Variants in RYR3 observed in about 807,000 individuals in gnomAD.
The protein encoded by RYR3 is ryanodine receptor 3, also known as brain ryanodine receptor-calcium release channel.
Under a neutral mutation model 584.3 loss-of-function variants are expected in RYR3, and 207 were observed. That is an observed-to-expected ratio of 0.35 (90% CI 0.32 to 0.40). The LOEUF is 0.40. Among genes scored for constraint, RYR3 ranks in the 10% least tolerant of loss-of-function variants. The pLI, the probability that RYR3 is intolerant of heterozygous loss-of-function variation, is 1.00. For missense variants in RYR3, 5,616 were observed against 6,089.2 expected (o/e 0.92, Z 2.59); for synonymous variants, 2,416 against 2,248.5 (o/e 1.07, Z -2.11).
chr15:33,648,329 C>A (rs929624028), intron 30 of RYR3, among the ~76,000 whole-genome samples: 2 of 152,098 alleles, frequency 1.3e-5, no homozygotes, highest in African/African-American at 2.4e-5. Context: ...TTCTTCCAGT[C>A]AAGAAAATTT....
intron 1 of RYR3, among the ~76,000 whole-genome samples, chr15:33,353,653 G>T (rs1029420270): frequency 1.3e-5 from 2 of 152,130 alleles, no homozygotes; most frequent in Non-Finnish European, 2.9e-5. Context: ...TTAAAATCAG[G>T]GGTTGAATCC....
chr15:33,404,099 C>G (rs1263245899), intron 1 of RYR3, among the ~76,000 whole-genome samples: 1 of 152,122 alleles, frequency 6.6e-6, no homozygotes, highest in Non-Finnish European at 1.5e-5. Flanking sequence ...TGAATTTGGT[C>G]GTAAAATAAC....
rs181986387 is a variant in RYR3 at position 33,572,756 on chromosome 15, C to G, written c.1268+5957C>G. On this transcript the variant is annotated intron_variant, in intron 12 of 103. Coordinates refer to ENST00000634891, the MANE Select transcript of RYR3 (RefSeq NM_001036.6). ...TTGGGAGGCCAAGGTGGGCGAATCA[C>G]CTGAGGTCGGGGGTTCGAGACCAGC... 5.3e-5 allele frequency among the ~76,000 whole-genome samples: 8 copies of G among 151,764 alleles called. No homozygotes were observed. In the East Asian group the frequency reaches 1.6e-3, roughly 29 times the overall value.
In RYR3 at chr15:33,825,729, T is replaced by C. The variant is rs1450871668; in HGVS notation, c.11146+53T>C. On this transcript the variant is annotated intron_variant, in intron 82 of 103. Transcript: ENST00000634891. ...TTCTCTTCCTGATTAAAATCTTTTT[T>C]TTTTTTTTTTTTTTTTTCCCCATAC... 6 of 720,182 alleles carry C rather than the reference T, an allele frequency of 8.3e-6. No individual in the cohort carries two copies. The East Asian group carries it at 1.3e-4, about 16-fold the overall frequency. The allele number at this position is 720,182 out of a possible 1,614,324, so 44.6% of individuals were successfully genotyped here. A position where few individuals can be genotyped will look rare whatever the true frequency, so the allele number is the denominator to read the frequency against.
At chr15:33,691,111 A>G (rs2065394564) in intron 38 of RYR3, among the ~76,000 whole-genome samples, 1 of 152,136 alleles carries the variant, frequency 6.6e-6, no homozygotes, top group East Asian at 1.9e-4. Flanking sequence ...CTATATCTGA[A>G]CAAGTAGTAG....
At chr15:33,345,556 C>A (rs987818238) in intron 1 of RYR3, among the ~76,000 whole-genome samples, 1 of 152,042 alleles carries the variant, frequency 6.6e-6, no homozygotes, top group Non-Finnish European at 1.5e-5. Flanking sequence ...ACAGGAGTAA[C>A]AGTGTTCATT....
chr15:33,711,920 C>G (rs1415920084), intron 43 of RYR3, among the ~76,000 whole-genome samples: 3 of 152,184 alleles, frequency 2.0e-5, no homozygotes, highest in Non-Finnish European at 4.4e-5. Context: ...ATCTTTGGTA[C>G]AAATGTTCAG....
chr15:33,777,318 T>C (rs754659358), intron 64 of RYR3, among the ~76,000 whole-genome samples: 1 of 152,220 alleles, frequency 6.6e-6, no homozygotes, highest in African/African-American at 2.4e-5. Context: ...TGGGGAGCAC[T>C]AATGACCAGT....
At chr15:33,814,718 G>A (rs2076717170) in intron 74 of RYR3, among the ~76,000 whole-genome samples, 1 of 152,028 alleles carries the variant, frequency 6.6e-6, no homozygotes, top group Admixed American at 6.6e-5. Flanking sequence ...GGCCAACATG[G>A]TGAAACCATC....
chr15:33,460,064 G>A (rs1466946983), intron 1 of RYR3, among the ~76,000 whole-genome samples: 2 of 152,136 alleles, frequency 1.3e-5, no homozygotes, highest in Non-Finnish European at 2.9e-5. Flanking sequence ...TTTTACTGCA[G>A]TACAGGTGCA....
intron 3 of RYR3, among the ~76,000 whole-genome samples, chr15:33,529,170 A>C (rs892547692): frequency 1.3e-5 from 2 of 152,264 alleles, no homozygotes; most frequent in Non-Finnish European, 2.9e-5. Context: ...AATATTGTGA[A>C]GAGCATTGTA....
At chr15:33,453,734 A>G (rs963150937) in intron 1 of RYR3, among the ~76,000 whole-genome samples, 2 of 152,230 alleles carry the variant, frequency 1.3e-5, no homozygotes, top group Admixed American at 1.3e-4. Context: ...GGAAAGAAAA[A>G]TAAGGATGTT....
Position 33,450,105 on chromosome 15 carries a change from A to AAAAAAAAAAAAAAAAAC in RYR3, c.52-23308_52-23307insAAAAAAAAAACAAAAAA, listed in dbSNP as rs2046999538. ...TAATACCTAAAAAAAAAAAAAAAAAAAAAAAAGCCGGCAACTGTGAGCATT... is the reference window on the plus strand; with the variant it reads ...TAATACCTAAAAAAAAAAAAAAAAAAAAAAAAAAAAAAAAAACAAAAAAGCCGGCAACTGTGAGCATT... On this transcript the variant is annotated intron_variant, in intron 1 of 103. Transcript: ENST00000634891. 1.4e-5 allele frequency among the ~76,000 whole-genome samples: 2 copies of AAAAAAAAAAAAAAAAAC among 141,934 alleles called. 1 individual carries two copies. The highest frequency in any genetic ancestry group is 5.4e-5 in the African/African-American group (2 of 36,890). 93.1% of individuals were successfully genotyped at this position (141,934 alleles called of 152,430 possible). A position where few individuals can be genotyped will look rare whatever the true frequency, so the allele number is the denominator to read the frequency against.
intron 1 of RYR3, among the ~76,000 whole-genome samples, chr15:33,472,113 C>T (rs1178244068): frequency 6.6e-6 from 1 of 152,204 alleles, no homozygotes; most frequent in Admixed American, 6.5e-5. Flanking sequence ...GTTTCTGACT[C>T]ACTTAGATAA....
intron 19 of RYR3, among the ~76,000 whole-genome samples, chr15:33,617,619 G>T (rs2060518679): frequency 6.6e-6 from 1 of 152,054 alleles, no homozygotes; most frequent in South Asian, 2.1e-4. Flanking sequence ...TTCTAAGTTA[G>T]ACTTGAGTTC....
chr15:33,618,110 T>C lies in RYR3; in HGVS notation c.2357+4735T>C, dbSNP rs1257792734. Among the ~76,000 whole-genome samples, 6 of 152,220 alleles carry C rather than the reference T, an allele frequency of 3.9e-5. 1 individual carries two copies. Among genetic ancestry groups the C allele is most frequent in the East Asian group, 3.8e-4 (2 of 5,196 alleles). On this transcript the variant is annotated intron_variant, in intron 19 of 103. Coordinates refer to ENST00000634891, the MANE Select transcript of RYR3 (RefSeq NM_001036.6). ...CACCCCACAAGTGGCATGAATCAGATAGACAGCATTATACAGAAAGCCATA... is the reference window on the plus strand; with the variant it reads ...CACCCCACAAGTGGCATGAATCAGACAGACAGCATTATACAGAAAGCCATA...
intron 43 of RYR3, among the ~76,000 whole-genome samples, chr15:33,717,247 T>C (rs961133598): frequency 6.6e-6 from 1 of 152,200 alleles, no homozygotes; most frequent in African/African-American, 2.4e-5. Context: ...AGCCCCAGAC[T>C]TGTATATCTT....
chr15:33,720,181 G>A (rs2067806007), intron 43 of RYR3, among the ~76,000 whole-genome samples: 1 of 152,138 alleles, frequency 6.6e-6, no homozygotes, highest in African/African-American at 2.4e-5. Context: ...TACAATCTTG[G>A]ATTTTGCCCA....
chr15:33,358,094 A>G (rs545795441), intron 1 of RYR3, among the ~76,000 whole-genome samples: 1 of 152,310 alleles, frequency 6.6e-6, no homozygotes, highest in African/African-American at 2.4e-5. Flanking sequence ...GAGTCATGGG[A>G]AGAGTATGGA....
Sources: allele counts gnomAD v4.1 joint callset (sites outside exome capture counted in the v4.1 genomes callset), GRCh38; gene constraint gnomAD v4.1.1; transcripts MANE v1.5; gene names NCBI Gene and HGNC (gene_info 2026-07-23, HGNC 2026-07-21).